TLN2: variants seen among roughly 807,000 people sequenced by gnomAD.
The protein encoded by TLN2 is talin 2.
A neutral mutation model predicts 294.7 loss-of-function variants in TLN2; 118 were observed. The observed-to-expected ratio is 0.40, with a 90% CI of 0.34 to 0.47. TLN2 has a LOEUF of 0.47. Ranked by LOEUF, TLN2 falls within the 20% of genes least tolerant of loss-of-function variation. The pLI, the probability that TLN2 is intolerant of heterozygous loss-of-function variation, is 0.84. For synonymous variants in TLN2, 1,431 were observed against 1,304.5 expected (o/e 1.10, Z -2.09); for missense variants, 3,083 against 3,282.2 (o/e 0.94, Z 1.48).
At chr15:62,821,095 T>C (rs1353107708) in intron 54 of TLN2, among the ~76,000 whole-genome samples, 4 of 152,210 alleles carry the variant, frequency 2.6e-5, no homozygotes, top group Non-Finnish European at 4.4e-5. Context: ...CCTTCTGTGT[T>C]TGTCATGTAG....
chr15:62,773,593 CAT>C (rs2063494641), intron 42 of TLN2, among the ~76,000 whole-genome samples: 1 of 152,066 alleles, frequency 6.6e-6, no homozygotes, highest in Admixed American at 6.5e-5. Flanking sequence ...TCTTTGGACA[CAT>C]ATTTACTAGG....
At chr15:62,624,033 A>G (rs560603641) in intron 3 of TLN2, among the ~76,000 whole-genome samples, 3 of 152,222 alleles carry the variant, frequency 2.0e-5, no homozygotes, top group Non-Finnish European at 4.4e-5. Context: ...AGAGGAGCAC[A>G]GGGGATCCAA....
At chr15:62,839,100 G>T in intron 58 of TLN2, 119 bp downstream of exon 58, 1 of 1,360,770 alleles carries the variant, frequency 7.3e-7, no homozygotes, top group South Asian at 1.4e-5. Context: ...ACCAGAGATG[G>T]TGTGGTGTTT....
At chr15:62,815,177 T>TCTCACACACACA (rs1349363288) in intron 52 of TLN2, among the ~76,000 whole-genome samples, 6 of 140,592 alleles carry the variant, frequency 4.3e-5, no homozygotes, top group African/African-American at 1.1e-4. Flanking sequence ...ATTCTGTCTG[T>TCTCACACACACA]CACACACACA....
chr15:62,688,279 C>T (rs966585246), intron 12 of TLN2, among the ~76,000 whole-genome samples: 1 of 152,058 alleles, frequency 6.6e-6, no homozygotes, highest in Non-Finnish European at 1.5e-5. Flanking sequence ...CTACTCCTAG[C>T]CTTTATTTAA....
At chr15:62,543,692 T>G (rs1596071083) in intron 1 of TLN2, among the ~76,000 whole-genome samples, 1 of 150,268 alleles carries the variant, frequency 6.7e-6, no homozygotes, top group South Asian at 2.1e-4. Flanking sequence ...GAGGCGGAGG[T>G]TGCAGTGAGC....
chr15:62,618,451 G>A lies in TLN2; in HGVS notation c.-61G>A, dbSNP rs1165410288. ...ACAGAGGACTCAGTGGGAGCTCCTG[G>A]TCAGAGGACTTGGATGTTGTCATTG... is the stretch of plus-strand genomic sequence containing the variant. On this transcript the variant is annotated 5_prime_UTR_variant, in exon 3 of 59. Coordinates refer to ENST00000636159, the MANE Select transcript of TLN2 (RefSeq NM_015059.3). The A allele has an allele frequency of 1.3e-5, 2 of 152,188 alleles. No individual in the cohort carries two copies. Among genetic ancestry groups the A allele is most frequent in the Non-Finnish European group, 2.9e-5 (2 of 68,074 alleles). 9.4% of individuals were successfully genotyped at this position (152,188 alleles called of 1,614,324 possible).
intron 1 of TLN2, among the ~76,000 whole-genome samples, chr15:62,480,182 C>T (rs1387783266): frequency 1.3e-5 from 2 of 152,152 alleles, no homozygotes; most frequent in Non-Finnish European, 2.9e-5. Context: ...TCTGCTCCTT[C>T]CTATAACAGA....
chr15:62,625,114 G>A (rs1212997747), intron 3 of TLN2, among the ~76,000 whole-genome samples: 1 of 152,204 alleles, frequency 6.6e-6, no homozygotes, highest in Non-Finnish European at 1.5e-5. Context: ...GGTGGGGGAA[G>A]TAGCGTGAGG....
intron 1 of TLN2, among the ~76,000 whole-genome samples, chr15:62,426,726 A>G (rs761446157): frequency 5.9e-5 from 9 of 151,944 alleles, no homozygotes; most frequent in Non-Finnish European, 1.3e-4. Context: ...TATTTTTTTC[A>G]TTCCCTTGGC....
intron 54 of TLN2, 52 bp from the exon 55 acceptor site, chr15:62,833,452 G>A: frequency 1.3e-6 from 2 of 1,591,014 alleles, no homozygotes; most frequent in Non-Finnish European, 1.7e-6. Context: ...TTGGAAGAAA[G>A]AGCCCTTTGT....
At chr15:62,468,558 A>G (rs937262505) in intron 1 of TLN2, among the ~76,000 whole-genome samples, 1 of 152,118 alleles carries the variant, frequency 6.6e-6, no homozygotes, top group South Asian at 2.1e-4. Context: ...ATCCTGGCCA[A>G]CAAGGTGAAA....
At chr15:62,536,138 A>G (rs1376595502) in intron 1 of TLN2, among the ~76,000 whole-genome samples, 1 of 152,166 alleles carries the variant, frequency 6.6e-6, no homozygotes, top group East Asian at 1.9e-4. Context: ...CTTCTTTGCC[A>G]TGTAGTTTGG....
chr15:62,727,056 A>G (rs752920670), intron 27 of TLN2, 31 bp from the exon 28 acceptor site: 10 of 1,604,958 alleles, frequency 6.2e-6, no homozygotes, highest in Middle Eastern at 1.7e-4. Flanking sequence ...CTTTTCTTCT[A>G]CGTTCTTTCC....
intron 33 of TLN2, among the ~76,000 whole-genome samples, 154 bp downstream of exon 33, chr15:62,748,598 T>C (rs757941088): frequency 1.3e-5 from 2 of 152,192 alleles, no homozygotes; most frequent in Non-Finnish European, 2.9e-5. Flanking sequence ...TTGGAGGCTG[T>C]TAAGGCCAAA....
chr15:62,395,437 G>T (rs905994610), intron 1 of TLN2, among the ~76,000 whole-genome samples: 6 of 151,942 alleles, frequency 3.9e-5, no homozygotes, highest in African/African-American at 1.5e-4. Context: ...TCTTTTAAAA[G>T]GTTGGTAATA....
intron 43 of TLN2, among the ~76,000 whole-genome samples, chr15:62,780,061 C>T (rs753917074): frequency 1.3e-5 from 2 of 152,190 alleles, no homozygotes; most frequent in Non-Finnish European, 2.9e-5. Context: ...TTGCTTACCC[C>T]AGATCCCACT....
intron 1 of TLN2, among the ~76,000 whole-genome samples, chr15:62,538,816 C>A (rs532365665): frequency 2.0e-5 from 3 of 152,228 alleles, no homozygotes; most frequent in East Asian, 1.9e-4. Context: ...AAAATTGTTA[C>A]AATTTCTAAG....
At position 62,422,348 on chromosome 15, in the gene TLN2, G is replaced by A. The variant is rs564714712; in HGVS notation, c.-238+31663G>A. ...TTAAAGTGCAGATGTCGTGGATGGA[G>A]ATAAGGCCCAGGAATGTGAATTTTT... On this transcript the variant is annotated intron_variant, in intron 1 of 58. Coordinates refer to ENST00000636159, the MANE Select transcript of TLN2 (RefSeq NM_015059.3). 4.3e-4 allele frequency among the ~76,000 whole-genome samples: 66 copies of A among 152,112 alleles called. 1 individual carries two copies. The highest frequency in any genetic ancestry group is 7.8e-4 in the Non-Finnish European group (53 of 68,018).
Sources: gnomAD v4.1 joint callset for allele counts (sites outside exome capture counted in the v4.1 genomes callset) on GRCh38, gnomAD v4.1.1 for gene constraint, MANE v1.5 for transcripts, NCBI Gene and HGNC (gene_info 2026-07-23, HGNC 2026-07-21) for gene names.